GIGYF2: variants seen among roughly 807,000 people sequenced by gnomAD.
GIGYF2 encodes GRB10 interacting GYF protein 2.
GIGYF2 carries 25 observed loss-of-function variants against 208.1 expected under a neutral mutation model. The observed-to-expected ratio is 0.12, with a 90% CI of 0.09 to 0.17. GIGYF2 has a LOEUF of 0.17. GIGYF2 is among the 10% of genes least tolerant of loss of function. The probability of loss-of-function intolerance (pLI) is 1.00; values close to 1 mark genes in which losing one functional copy is unlikely to be tolerated. For missense variants in GIGYF2, 1,302 were observed against 1,579.4 expected (o/e 0.82, Z 2.98); for synonymous variants, 534 against 543.8 (o/e 0.98, Z 0.25).
rs577680739 is a variant in GIGYF2, at chr2:232,798,510, C to A, written c.1639+2289C>A. Among the ~76,000 whole-genome samples, 3 of 152,280 alleles carry A rather than the reference C, an allele frequency of 2.0e-5. No individual in the cohort carries two copies. In the East Asian group the frequency reaches 5.8e-4, roughly 29 times the overall value. ...AAACTGTTTCCCAGAGTGGCTATAC[C>A]ATTTCATATGCCCACCAGCAATGTA... On this transcript the variant is annotated intron_variant, in intron 14 of 28. Transcript: ENST00000373563.
At chr2:232,739,827 C>T (rs529060772) in intron 3 of GIGYF2, among the ~76,000 whole-genome samples, 2 of 150,378 alleles carry the variant, frequency 1.3e-5, no homozygotes, top group African/African-American at 4.9e-5. Context: ...AGGCCGGGCG[C>T]GGTGGCACAT....
chr2:232,773,700 C>G (rs984760848), intron 8 of GIGYF2, among the ~76,000 whole-genome samples: 1 of 151,870 alleles, frequency 6.6e-6, no homozygotes, highest in African/African-American at 2.4e-5. Flanking sequence ...TATTGTTTAG[C>G]ATGTGCCAGG....
chr2:232,762,041 G>T (rs1698759671), intron 8 of GIGYF2, among the ~76,000 whole-genome samples: 1 of 151,310 alleles, frequency 6.6e-6, no homozygotes, highest in Non-Finnish European at 1.5e-5. Context: ...CTGTTAAGAT[G>T]AGCTTCCTAG....
chr2:232,759,451 C>T (rs1191927409), intron 6 of GIGYF2, among the ~76,000 whole-genome samples: 1 of 150,824 alleles, frequency 6.6e-6, no homozygotes, highest in African/African-American at 2.4e-5. Context: ...AAAGTGCATA[C>T]GGTCTTCTGC....
At chr2:232,787,506 T>C (rs2106360602) in intron 9 of GIGYF2, among the ~76,000 whole-genome samples, 177 bp downstream of exon 9, 1 of 152,194 alleles carries the variant, frequency 6.6e-6, no homozygotes, top group Non-Finnish European at 1.5e-5. Context: ...TTCCTACATC[T>C]ATTCAGTTGA....
chr2:232,789,335 C>G (rs1256375390), intron 9 of GIGYF2, among the ~76,000 whole-genome samples: 1 of 152,114 alleles, frequency 6.6e-6, no homozygotes, highest in Non-Finnish European at 1.5e-5. Context: ...AGAGGAGAAA[C>G]ATGAGCCAGG....
chr2:232,789,440 C>T (rs1700007339), intron 9 of GIGYF2, among the ~76,000 whole-genome samples: 1 of 152,170 alleles, frequency 6.6e-6, no homozygotes. Flanking sequence ...ATCATGAAGA[C>T]TCTTTTCACA....
At chr2:232,797,037 T>A (rs1022048692) in intron 14 of GIGYF2, among the ~76,000 whole-genome samples, 3 of 151,408 alleles carry the variant, frequency 2.0e-5, no homozygotes, top group African/African-American at 7.3e-5. Context: ...TTTCCCTGAC[T>A]CTGAAAAGGT....
chr2:232,842,559 G>T (rs1701852731), intron 23 of GIGYF2, among the ~76,000 whole-genome samples: 2 of 151,940 alleles, frequency 1.3e-5, no homozygotes, highest in African/African-American at 4.8e-5. Context: ...TTTTGTTTTG[G>T]TCTTTGGCTT....
At chr2:232,736,085 A>G (rs1697721348) in intron 3 of GIGYF2, 3 of 965,448 alleles carry the variant, frequency 3.1e-6, no homozygotes, top group Non-Finnish European at 3.7e-6. Context: ...ATCCTATTAG[A>G]AATATTTCTT....
chr2:232,756,718 G>A (rs950861), intron 6 of GIGYF2, among the ~76,000 whole-genome samples: 179 of 152,310 alleles, frequency 1.2e-3, no homozygotes, highest in Non-Finnish European at 2.4e-3. Context: ...TGTGAGGGGC[G>A]TGTGCCAAGA....
chr2:232,860,073 T>G lies in GIGYF2; in HGVS notation c.*3213T>G, dbSNP rs59488869. ...AGAAGAGCTTGTGGGGTGGGAGATATTATAGCCATTTTTGGGAAATATCTG... is the reference window on the plus strand; with the variant it reads ...AGAAGAGCTTGTGGGGTGGGAGATAGTATAGCCATTTTTGGGAAATATCTG... On this transcript the variant is annotated 3_prime_UTR_variant, in exon 29 of 29. Transcript: ENST00000373563. 8 of 152,102 alleles carry G rather than the reference T, an allele frequency of 5.3e-5. No individual in the cohort carries two copies. Among genetic ancestry groups the G allele is most frequent in the African/African-American group, 1.9e-4 (8 of 41,404 alleles). 9.4% of individuals were successfully genotyped at this position (152,102 alleles called of 1,614,324 possible). A position where few individuals can be genotyped will look rare whatever the true frequency, so the allele number is the denominator to read the frequency against.
chr2:232,836,301 T>A (rs1234563411), intron 22 of GIGYF2, among the ~76,000 whole-genome samples: 88 of 16,866 alleles, frequency 5.2e-3, no homozygotes, highest in East Asian at 8.1e-3. Flanking sequence ...TATATATATA[T>A]ATATATATAT....
intron 8 of GIGYF2, chr2:232,768,087 A>G: frequency 9.0e-7 from 1 of 1,111,416 alleles, no homozygotes; most frequent in African/African-American, 1.5e-5. Flanking sequence ...CGTGATGTAG[A>G]GAGCTATAAT....
At chr2:232,739,500 C>G (rs1463851904) in intron 3 of GIGYF2, among the ~76,000 whole-genome samples, 1 of 149,764 alleles carries the variant, frequency 6.7e-6, no homozygotes, top group African/African-American at 2.5e-5. Context: ...CAGTGAGATC[C>G]TCTTCTCTAC....
intron 1 of GIGYF2, among the ~76,000 whole-genome samples, chr2:232,699,354 G>A (rs941173841): frequency 6.6e-6 from 1 of 152,178 alleles, no homozygotes; most frequent in Admixed American, 6.5e-5. Flanking sequence ...GGTGGGAGAT[G>A]TGTGTACTTA....
intron 2 of GIGYF2, chr2:232,731,013 G>T (rs1295424384): frequency 1.3e-5 from 2 of 151,416 alleles, no homozygotes; most frequent in African/African-American, 2.4e-5. Flanking sequence ...AAAATCTTCT[G>T]AGCTCTTAAT....
In GIGYF2 at chr2:232,750,014, A is replaced by G. The variant is rs986599777; in HGVS notation, c.267+932A>G. Among the ~76,000 whole-genome samples the G allele has an allele frequency of 5.3e-5, 8 of 152,036 alleles. No individual in the cohort carries two copies. In the East Asian group the frequency reaches 7.7e-4, roughly 15 times the overall value. On this transcript the variant is annotated intron_variant, in intron 5 of 28. Coordinates refer to ENST00000373563, the MANE Select transcript of GIGYF2 (RefSeq NM_001103146.3). Reference sequence around the variant, plus strand: ...AGCCTGGCCAACATGGTGAAACCCTATCTCTACTAAAAATAAAAAAATTAG... The same window carrying G: ...AGCCTGGCCAACATGGTGAAACCCTGTCTCTACTAAAAATAAAAAAATTAG...
chr2:232,770,188 C>T (rs78006198), intron 8 of GIGYF2, among the ~76,000 whole-genome samples: 13,297 of 152,174 alleles, frequency 0.087, 805 homozygotes, highest in South Asian at 0.27. Flanking sequence ...ATTCTTCATA[C>T]GGCCCAATGC....
Sources: gnomAD v4.1 joint callset for allele counts (sites outside exome capture counted in the v4.1 genomes callset) on GRCh38, gnomAD v4.1.1 for gene constraint, MANE v1.5 for transcripts, NCBI Gene and HGNC (gene_info 2026-07-23, HGNC 2026-07-21) for gene names.